Variants in RRM2 observed in about 807,000 individuals in gnomAD.
RRM2 encodes the protein ribonucleotide reductase regulatory subunit M2.
RRM2 carries 6 observed loss-of-function variants against 45.9 expected under a neutral mutation model. That is an observed-to-expected ratio of 0.13 (90% CI 0.07 to 0.26). The LOEUF (loss-of-function observed/expected upper bound fraction) is 0.26. Ranked by LOEUF, RRM2 falls within the 10% of genes least tolerant of loss-of-function variation. The pLI, the probability that RRM2 is intolerant of heterozygous loss-of-function variation, is 1.00. For missense variants in RRM2, 343 were observed against 489.5 expected, an observed-to-expected ratio of 0.70 and a Z score of 2.82; for synonymous variants, 177 against 173.0, an observed-to-expected ratio of 1.02 and a Z score of -0.18.
chr2:10,143,791 TCGAG>T (rs1481403428), intron 3 of RRM2, among the ~76,000 whole-genome samples: 1 of 152,088 alleles, frequency 6.6e-6, no homozygotes, highest in African/African-American at 2.4e-5. Flanking sequence ...CCTCAGCCTC[TCGAG>T]TAGCTGGGAC....
In RRM2 at chr2:10,129,376, C is replaced by G; in HGVS notation, c.1160C>G (p.Ala387Gly). 1 of 1,608,128 alleles carries G rather than the reference C, an allele frequency of 6.2e-7. No individual in the cohort carries two copies. Among genetic ancestry groups the G allele is most frequent in the Non-Finnish European group, 8.5e-7 (1 of 1,178,360 alleles). The part of the protein sequence containing the change: ...SPTENSFTLD[A>G]DF Reference sequence around the variant, plus strand: ...ACAGAGAATTCTTTTACCTTGGATGCTGACTTCTAAATGAACTGAAGATGT... The same window carrying G: ...ACAGAGAATTCTTTTACCTTGGATGGTGACTTCTAAATGAACTGAAGATGT... The change falls in exon 10 of 10, where the codon GCT (alanine) becomes GGT (glycine). Residue 387 changes from alanine (A) to glycine (G), a missense_variant. This residue lies in a region of RRM2 where 212 missense variants were observed against 368.1 expected (regional missense o/e 0.58). Transcript: ENST00000304567. This position sits in a 1 kb window ranked among gnomAD's most constrained non-coding sequence, Gnocchi z 4.8.
chr2:10,138,615 T>G (rs1276851910), upstream of RRM2, among the ~76,000 whole-genome samples: 1 of 152,106 alleles, frequency 6.6e-6, no homozygotes, highest in African/African-American at 2.4e-5. Context: ...ACCTCCCTTT[T>G]GAAAAACTGA....
intron 3 of RRM2, among the ~76,000 whole-genome samples, chr2:10,179,978 T>C (rs1425676757): frequency 6.6e-6 from 1 of 152,152 alleles, no homozygotes; most frequent in South Asian, 2.1e-4. Context: ...CGGGAAGCCC[T>C]CCACCCAGAG....
chr2:10,138,493 G>C (rs954036477), upstream of RRM2, among the ~76,000 whole-genome samples: 1 of 151,948 alleles, frequency 6.6e-6, no homozygotes, highest in Non-Finnish European at 1.5e-5. Context: ...AGTAGAGACT[G>C]GGTTTCACCA....
chr2:10,199,800 A>AAAAAAAAAAAAAC (rs1572534126), intron 3 of RRM2, among the ~76,000 whole-genome samples: 14 of 97,882 alleles, frequency 1.4e-4, no homozygotes, highest in Admixed American at 3.8e-4. Context: ...AAAAAAAAAA[A>AAAAAAAAAAAAAC]AAAAAAAAAC....
At chr2:10,192,722 C>T (rs1263904724) in intron 3 of RRM2, 1 of 150,278 alleles carries the variant, frequency 6.7e-6, no homozygotes, top group African/African-American at 2.5e-5. Context: ...GGGGTCAGTC[C>T]CACTGTGGAC....
At chr2:10,145,075 GGGAAAGGAGGGA>G (rs2125313108) in intron 3 of RRM2, among the ~76,000 whole-genome samples, 1 of 152,262 alleles carries the variant, frequency 6.6e-6, no homozygotes, top group African/African-American at 2.4e-5. Context: ...AGCTGCGGGA[GGGAAAGGAGGGA>G]GGGAAGGAGG....
intron 3 of RRM2, among the ~76,000 whole-genome samples, chr2:10,194,002 C>G (rs576743561): frequency 7.6e-4 from 115 of 152,180 alleles, no homozygotes; most frequent in Non-Finnish European, 7.3e-4. Context: ...AACCCTCTGT[C>G]CATTTCAACG....
rs1664384854 is a variant in RRM2, at chr2:10,195,010, G to A, written n.483-15301G>A. Among the ~76,000 whole-genome samples the A allele has an allele frequency of 6.6e-6, 1 of 152,214 alleles. No individual in the cohort carries two copies. The highest frequency in any genetic ancestry group is 2.1e-4 in the South Asian group (1 of 4,824). On this transcript the variant is annotated intron_variant and non_coding_transcript_variant, in intron 3 of 3. Transcript: ENST00000381786. This position sits in a 1 kb window ranked among gnomAD's most constrained non-coding sequence, Gnocchi z 4.9. ...GTGTGTGGGTTTACAGCCAAGGCCTGTGAGGCACGTGACCACCAAAACCCT... is the reference window on the plus strand; with the variant it reads ...GTGTGTGGGTTTACAGCCAAGGCCTATGAGGCACGTGACCACCAAAACCCT...
At chr2:10,183,686 C>T (rs1254066930) in intron 3 of RRM2, among the ~76,000 whole-genome samples, 2 of 151,456 alleles carry the variant, frequency 1.3e-5, no homozygotes, top group Non-Finnish European at 2.9e-5. Flanking sequence ...CCTGTCTCTA[C>T]TAAAAATAAA....
chr2:10,132,862 C>T (rs371184441), downstream of RRM2, among the ~76,000 whole-genome samples: 116 of 146,506 alleles, frequency 7.9e-4, 1 homozygote, highest in African/African-American at 3.2e-3. Context: ...CTGTTCTGCT[C>T]CCCCCGGCCC....
In RRM2 at chr2:10,127,055, C is replaced by T; in HGVS notation, c.665-32C>T. Reference sequence around the variant, plus strand: ...TTTTTGGCCCTTGAATACCAACTCACTAGAATCATGTTGGTGTTAACTCCT... The same window carrying T: ...TTTTTGGCCCTTGAATACCAACTCATTAGAATCATGTTGGTGTTAACTCCT... On this transcript the variant is annotated intron_variant, in intron 6 of 9. Transcript: ENST00000304567. This position sits in a 1 kb window ranked among gnomAD's most constrained non-coding sequence, Gnocchi z 4.1. 1 of 1,612,716 alleles carries T rather than the reference C, an allele frequency of 6.2e-7. No homozygotes were observed. The highest frequency in any genetic ancestry group is 8.5e-7 in the Non-Finnish European group (1 of 1,178,776).
At chr2:10,144,019 C>A (rs552110510) in intron 3 of RRM2, among the ~76,000 whole-genome samples, 1 of 152,354 alleles carries the variant, frequency 6.6e-6, no homozygotes, top group Admixed American at 6.5e-5. Flanking sequence ...AAGGCTGTCT[C>A]TGGAGTGGCT....
intron 3 of RRM2, among the ~76,000 whole-genome samples, chr2:10,162,407 G>A (rs1663581460): frequency 6.6e-6 from 1 of 152,128 alleles, no homozygotes; most frequent in African/African-American, 2.4e-5. Flanking sequence ...TCAGAGACGG[G>A]GATGAGTCTC....
At chr2:10,160,090 G>T (rs1663523676) in intron 3 of RRM2, among the ~76,000 whole-genome samples, 1 of 152,108 alleles carries the variant, frequency 6.6e-6, no homozygotes, top group African/African-American at 2.4e-5. Context: ...GGCAAACCAG[G>T]GGGTTCCTGC....
intron 3 of RRM2, among the ~76,000 whole-genome samples, chr2:10,179,569 T>C (rs547963379): frequency 6.5e-4 from 99 of 152,314 alleles, no homozygotes; most frequent in African/African-American, 2.2e-3. Context: ...AAAAATGCAG[T>C]TGCTGGGTTG....
At chr2:10,180,154 G>A (rs888810430) in intron 3 of RRM2, among the ~76,000 whole-genome samples, 1 of 152,232 alleles carries the variant, frequency 6.6e-6, no homozygotes, top group Admixed American at 6.5e-5. Context: ...CATACTGGGA[G>A]CTCTTTACCT....
intron 3 of RRM2, among the ~76,000 whole-genome samples, chr2:10,197,890 G>A (rs1474934255): frequency 1.3e-5 from 2 of 152,104 alleles, no homozygotes; most frequent in African/African-American, 4.8e-5. Flanking sequence ...TGCTGCTGGT[G>A]GATGGGGCCC....
intron 3 of RRM2, chr2:10,156,173 T>C (rs1165769257): frequency 1.3e-5 from 2 of 152,248 alleles, no homozygotes; most frequent in Admixed American, 6.5e-5. Context: ...CTTGGCCACA[T>C]TGGAAGGAGA....
Sources: gnomAD v4.1 joint callset for allele counts (sites outside exome capture counted in the v4.1 genomes callset) on GRCh38, gnomAD v4.1.1 for gene constraint, gnomAD v4.1.1 regional missense constraint, Gnocchi (gnomAD v3.1) non-coding constraint, MANE v1.5 for transcripts, NCBI Gene and HGNC (gene_info 2026-07-23, HGNC 2026-07-21) for gene names.